Variants in LNX2 observed in about 807,000 individuals in gnomAD.
The protein encoded by LNX2 is ligand of Numb protein X 2.
Under a neutral mutation model 66.2 loss-of-function variants are expected in LNX2, and 35 were observed. That is an observed-to-expected ratio of 0.53 (90% CI 0.40 to 0.70). The LOEUF (loss-of-function observed/expected upper bound fraction) is 0.70, where lower values mean the gene tolerates loss of function less well. Ranked by LOEUF, LNX2 falls within the 30% of genes least tolerant of loss-of-function variation. The pLI is 0.00. For synonymous variants in LNX2, 337 were observed against 315.6 expected, an observed-to-expected ratio of 1.07 and a Z score of -0.72; for missense variants, 791 against 850.8, an observed-to-expected ratio of 0.93 and a Z score of 0.87.
intron 1 of LNX2, among the ~76,000 whole-genome samples, chr13:27,583,262 G>GCGCGCGCGCGCGCGCGCGCA (rs1555268517): frequency 7.5e-5 from 1 of 13,408 alleles, no homozygotes; most frequent in African/African-American, 1.8e-3. Flanking sequence ...GTGTGCGCGC[G>GCGCGCGCGCGCGCGCGCGCA]TCCTCTCCAA....
At chr13:27,555,025 A>G (rs142863368) in intron 7 of LNX2, among the ~76,000 whole-genome samples, 113 of 152,228 alleles carry the variant, frequency 7.4e-4, no homozygotes, top group African/African-American at 2.6e-3. Flanking sequence ...ATCTCAGCTC[A>G]CTGTAGCCTT....
chr13:27,559,851 G>A lies in LNX2; in HGVS notation c.1359C>T (p.Ser453=). 2.7e-5 allele frequency: 42 copies of A among 1,565,142 alleles called. No individual in the cohort carries two copies. The highest frequency in any genetic ancestry group is 3.6e-5 in the Non-Finnish European group (42 of 1,152,958). The change falls in exon 6 of 10, where the codon AGC becomes AGT. Residue 453 remains serine (S), a synonymous_variant. Coordinates refer to ENST00000316334, the MANE Select transcript of LNX2 (RefSeq NM_153371.4). The stretch of plus-strand genomic sequence containing the variant: ...AAAAAAAAATCCTCACCTTATGTGA[G>A]CTTGGTCTGCTATAATACGGTGGTG... ...HTPPPYYSRP[S]SHKDLTQCVT...
intron 3 of LNX2, 55 bp downstream of exon 3, chr13:27,568,974 T>C (rs1162409670): frequency 1.3e-6 from 2 of 1,505,526 alleles, no homozygotes; most frequent in Non-Finnish European, 1.8e-6. Flanking sequence ...GTTGGGCAAG[T>C]AGTGGGAAGA....
At chr13:27,593,953 C>T (rs1453116836) in intron 1 of LNX2, among the ~76,000 whole-genome samples, 3 of 151,894 alleles carry the variant, frequency 2.0e-5, no homozygotes, top group Non-Finnish European at 4.4e-5. Flanking sequence ...TCTTTTGTAA[C>T]AGCTGTCCAA....
chr13:27,581,834 G>T, intron 1 of LNX2, 31 bp from the exon 2 acceptor site: 7 of 620,296 alleles, frequency 1.1e-5, no homozygotes, highest in South Asian at 3.1e-5. Flanking sequence ...CATTAAAAAA[G>T]GTAATTAATA....
chr13:27,610,851 A>G (rs1031833074), intron 1 of LNX2, among the ~76,000 whole-genome samples: 1 of 152,212 alleles, frequency 6.6e-6, no homozygotes, highest in African/African-American at 2.4e-5. Flanking sequence ...GCCAACAAGC[A>G]TATAAGAAGT....
At chr13:27,568,950 T>C (rs568228664) in intron 3 of LNX2, 79 bp downstream of exon 3, 221 of 1,408,844 alleles carry the variant, frequency 1.6e-4, no homozygotes, top group Non-Finnish European at 2.0e-4. Flanking sequence ...TCTTTAAAGA[T>C]GAAAAAAGTA....
chr13:27,548,874 C>A (rs1380752479), intron 9 of LNX2, among the ~76,000 whole-genome samples: 5 of 152,136 alleles, frequency 3.3e-5, no homozygotes, highest in Non-Finnish European at 7.4e-5. Context: ...GAAATAAGAC[C>A]CATACTTCCT....
chr13:27,588,021 C>CAAAAAAAAAAA lies in LNX2; in HGVS notation c.-100-6229_-100-6219dup, dbSNP rs56812051. Among the ~76,000 whole-genome samples the CAAAAAAAAAAA allele has an allele frequency of 2.8e-3, 266 of 93,486 alleles. 8 individuals are homozygous for CAAAAAAAAAAA. Among genetic ancestry groups the CAAAAAAAAAAA allele is most frequent in the Non-Finnish European group, 4.1e-3 (186 of 45,532 alleles). The allele number at this position is 93,486 out of a possible 152,430, so 61.3% of individuals were successfully genotyped here. On this transcript the variant is annotated intron_variant, in intron 1 of 9. Coordinates refer to ENST00000316334, the MANE Select transcript of LNX2 (RefSeq NM_153371.4). ...GGGCAAGAGTGCGAGACTCTTGTCA[C>CAAAAAAAAAAA]AAAAAAAAAAAAAAAAAAAAAAAAA...
intron 2 of LNX2, among the ~76,000 whole-genome samples, chr13:27,571,777 C>T (rs1955282958): frequency 6.6e-6 from 1 of 152,152 alleles, no homozygotes; most frequent in African/African-American, 2.4e-5. Context: ...CTCATGAATA[C>T]AGACAGCTCA....
At chr13:27,572,652 A>G (rs1955296213) in intron 2 of LNX2, among the ~76,000 whole-genome samples, 1 of 152,196 alleles carries the variant, frequency 6.6e-6, no homozygotes. Context: ...GAAAAATTAT[A>G]TATGGACTAA....
intron 1 of LNX2, among the ~76,000 whole-genome samples, chr13:27,620,021 A>G (rs1955877125): frequency 1.3e-5 from 2 of 151,516 alleles, no homozygotes; most frequent in Non-Finnish European, 2.9e-5. Flanking sequence ...CACTCACCCC[A>G]CCTCTCCCTT....
At chr13:27,562,127 G>A (rs73446827) in intron 5 of LNX2, among the ~76,000 whole-genome samples, 3,386 of 152,176 alleles carry the variant, frequency 0.022, 139 homozygotes, top group African/African-American at 0.077. Context: ...GCTACATCTG[G>A]CTTAATAGTA....
At position 27,548,072 on chromosome 13, in the gene LNX2, T is replaced by G; in HGVS notation, c.*263A>C. ...TTTGGGTGAGCTTTGCTCATTACCA[T>G]AGGTAACATTTTAACAACTAAGTCT... On this transcript the variant is annotated 3_prime_UTR_variant, in exon 10 of 10. Transcript: ENST00000316334. 1 of 411,420 alleles carries G rather than the reference T, an allele frequency of 2.4e-6. No individual in the cohort carries two copies. Among genetic ancestry groups the G allele is most frequent in the East Asian group, 4.5e-5 (1 of 22,022 alleles). 25.5% of individuals were successfully genotyped at this position (411,420 alleles called of 1,614,324 possible).
At chr13:27,599,065 C>G (rs950592421) in intron 1 of LNX2, among the ~76,000 whole-genome samples, 5 of 152,170 alleles carry the variant, frequency 3.3e-5, no homozygotes, top group South Asian at 2.1e-4. Context: ...CTTTTTGTAT[C>G]CACAGAATTC....
intron 1 of LNX2, among the ~76,000 whole-genome samples, chr13:27,582,124 G>C (rs139984194): frequency 0.033 from 4,957 of 152,228 alleles, 109 homozygotes; most frequent in Middle Eastern, 0.082. Context: ...CTGCCTTCCA[G>C]GCTCAAGTGA....
rs71083675 is a variant in LNX2 at position 27,560,565 on chromosome 13, G to GTATATATATATATATATATATATA, written c.1225-581_1225-580insTATATATATATATATATATATATA. ...ATAACAAGACTTTATATGTATGTGT[G>GTATATATATATATATATATATATA]TATATATATATATATATATAGCATA... On this transcript the variant is annotated intron_variant, in intron 5 of 9. Coordinates refer to ENST00000316334, the MANE Select transcript of LNX2 (RefSeq NM_153371.4). 6.7e-3 allele frequency among the ~76,000 whole-genome samples: 808 copies of GTATATATATATATATATATATATA among 119,772 alleles called. 25 individuals carry two copies. The highest frequency in any genetic ancestry group is 0.01 in the South Asian group (40 of 3,886). 78.6% of individuals were successfully genotyped at this position (119,772 alleles called of 152,430 possible).
rs568440165 is a variant in LNX2 at position 27,582,556 on chromosome 13, G to A, written c.-100-753C>T. On this transcript the variant is annotated intron_variant, in intron 1 of 9. Coordinates refer to ENST00000316334, the MANE Select transcript of LNX2 (RefSeq NM_153371.4). The stretch of plus-strand genomic sequence containing the variant: ...TAGACATGCTTCTTTGCTTCTGATT[G>A]ATTTTACACATTTACAGTACAATAT... Among the ~76,000 whole-genome samples the A allele has an allele frequency of 4.6e-5, 7 of 152,260 alleles. No homozygotes were observed. The South Asian group carries it at 1.5e-3, about 32-fold the overall frequency.
intron 2 of LNX2, among the ~76,000 whole-genome samples, chr13:27,580,904 T>C (rs1955390277): frequency 6.6e-6 from 1 of 152,190 alleles, no homozygotes; most frequent in Non-Finnish European, 1.5e-5. Context: ...ATACAATTTT[T>C]CCTGCTTTTA....
Sources: allele counts gnomAD v4.1 joint callset (sites outside exome capture counted in the v4.1 genomes callset), GRCh38; gene constraint gnomAD v4.1.1; transcripts MANE v1.5; gene names NCBI Gene and HGNC (gene_info 2026-07-23, HGNC 2026-07-21).